Variants in MTHFS observed in about 807,000 individuals in gnomAD.
MTHFS encodes the protein methenyltetrahydrofolate synthetase.
Under a neutral mutation model 12.7 loss-of-function variants are expected in MTHFS, and 7 were observed. The observed-to-expected ratio is 0.55, with a 90% CI of 0.31 to 1.03. The LOEUF (loss-of-function observed/expected upper bound fraction) is 1.03. MTHFS is among the 50% of genes least tolerant of loss of function. The pLI, the probability that MTHFS is intolerant of heterozygous loss-of-function variation, is 0.05. For missense variants in MTHFS, 252 were observed against 258.1 expected (o/e 0.98, Z 0.16); for synonymous variants, 100 against 97.1 (o/e 1.03, Z -0.18).
chr15:79,892,269 C>T (rs554964806), intron 1 of MTHFS, among the ~76,000 whole-genome samples: 46 of 151,992 alleles, frequency 3.0e-4, no homozygotes, highest in Non-Finnish European at 5.4e-4. Context: ...AAGGAGGAAC[C>T]CCAGGGCAAT....
intron 1 of MTHFS, 82 bp from the exon 2 acceptor site, chr15:79,889,436 C>A (rs2034435488): frequency 4.1e-6 from 6 of 1,477,068 alleles, no homozygotes; most frequent in Non-Finnish European, 4.5e-6. Context: ...TCTCTCTCAG[C>A]CTTCTCCAAT....
chr15:79,874,306 A>G (rs1424798684), intron 2 of MTHFS, among the ~76,000 whole-genome samples: 2 of 152,132 alleles, frequency 1.3e-5, no homozygotes, highest in Non-Finnish European at 2.9e-5. Flanking sequence ...TGCCTTTTCA[A>G]CTTGCCCCAT....
At position 79,889,362 on chromosome 15, in the gene MTHFS, G is replaced by A; in HGVS notation, c.118-8C>T. On this transcript the variant is annotated splice_region_variant and splice_polypyrimidine_tract_variant and intron_variant, in intron 1 of 2. Transcript: ENST00000258874. ...CTCACTGTGGGCAATCACCTAAATG[G>A]GAAATTATGGCAATTATATTTTCCA... is the stretch of plus-strand genomic sequence containing the variant. 3 of 1,604,618 alleles carry A rather than the reference G, an allele frequency of 1.9e-6. No individual in the cohort carries two copies. The highest frequency in any genetic ancestry group is 2.6e-6 in the Non-Finnish European group (3 of 1,173,992).
At chr15:79,864,544 C>CAAAAAAAA (rs1566990932) in intron 2 of MTHFS, among the ~76,000 whole-genome samples, 2 of 23,694 alleles carry the variant, frequency 8.4e-5, no homozygotes, top group Admixed American at 6.1e-4. Flanking sequence ...GACTCCATCT[C>CAAAAAAAA]AACAAAAAAA....
intron 2 of MTHFS, among the ~76,000 whole-genome samples, chr15:79,866,223 T>C (rs769097406): frequency 6.6e-6 from 1 of 152,204 alleles, no homozygotes; most frequent in Admixed American, 6.5e-5. Context: ...GACCTGATCA[T>C]GGGTCCAGAA....
At chr15:79,889,068 A>C in intron 2 of MTHFS, 25 bp downstream of exon 2, 1 of 1,610,478 alleles carries the variant, frequency 6.2e-7, no homozygotes, top group Non-Finnish European at 8.5e-7. Context: ...ATAATCTAAC[A>C]ACATCCTAAC....
At chr15:79,865,772 T>C (rs1027032120) in intron 2 of MTHFS, among the ~76,000 whole-genome samples, 6 of 152,182 alleles carry the variant, frequency 3.9e-5, no homozygotes, top group Non-Finnish European at 7.3e-5. Context: ...AAACCAACCA[T>C]GGAGAAAATA....
At chr15:79,881,394 T>G (rs921706433) in intron 2 of MTHFS, among the ~76,000 whole-genome samples, 1 of 152,126 alleles carries the variant, frequency 6.6e-6, no homozygotes, top group Non-Finnish European at 1.5e-5. Context: ...TAACAAGAAG[T>G]AAATTACCAT....
intron 2 of MTHFS, chr15:79,877,582 T>G (rs2034221351): frequency 6.6e-6 from 1 of 151,952 alleles, no homozygotes; most frequent in South Asian, 2.1e-4. Flanking sequence ...ACACCTGTAG[T>G]CCTAGCTACT....
At chr15:79,880,389 T>C (rs2034276362) in intron 2 of MTHFS, among the ~76,000 whole-genome samples, 1 of 152,006 alleles carries the variant, frequency 6.6e-6, no homozygotes. Context: ...CTCTGCTTGT[T>C]TATTTATGGA....
chr15:79,860,992 C>A (rs1005182503), intron 2 of MTHFS, among the ~76,000 whole-genome samples: 2 of 152,192 alleles, frequency 1.3e-5, no homozygotes, highest in Non-Finnish European at 1.5e-5. Context: ...CCAGAGCACT[C>A]TGGGCACATC....
intron 1 of MTHFS, among the ~76,000 whole-genome samples, chr15:79,891,534 T>C (rs2034472015): frequency 6.6e-6 from 1 of 151,750 alleles, no homozygotes; most frequent in Non-Finnish European, 1.5e-5. Flanking sequence ...TTAGCAAAAT[T>C]AAAACAACTT....
chr15:79,858,651 T>G (rs1056151184), intron 2 of MTHFS, among the ~76,000 whole-genome samples: 21 of 152,188 alleles, frequency 1.4e-4, no homozygotes, highest in Non-Finnish European at 2.5e-4. Context: ...CTCTGTGGAC[T>G]AACAATAAAT....
At position 79,896,966 on chromosome 15, in the gene MTHFS, C is replaced by T. The variant is rs937096410; in HGVS notation, c.23G>A (p.Ser8Asn). The change falls in exon 1 of 3, where the codon AGC becomes AAC. Residue 8 changes from serine to asparagine, a missense_variant. Physicochemically the swap from Ser to Asn is conservative, Grantham distance 46. Coordinates refer to ENST00000258874, the MANE Select transcript of MTHFS (RefSeq NM_006441.4). MAAAAVS[S>N]AKRSLRGELK... is the part of the protein sequence containing the mutation. ...CTCTCCCCGCAGGCTCCGCTTGGCG[C>T]TGCTCACCGCTGCCGCCGCCATCTC... 5.9e-6 allele frequency: 9 copies of T among 1,532,566 alleles called. No homozygotes were observed. The Admixed American group carries it at 1.2e-4, about 20-fold the overall frequency. 94.9% of individuals were successfully genotyped at this position (1,532,566 alleles called of 1,614,324 possible). A position where few individuals can be genotyped will look rare whatever the true frequency, so the allele number is the denominator to read the frequency against.
At chr15:79,858,646 T>C (rs1490697773) in intron 2 of MTHFS, among the ~76,000 whole-genome samples, 1 of 152,198 alleles carries the variant, frequency 6.6e-6, no homozygotes, top group Admixed American at 6.5e-5. Flanking sequence ...TCTGTCTCTG[T>C]GGACTAACAA....
At chr15:79,869,271 G>T (rs951236823) in intron 2 of MTHFS, among the ~76,000 whole-genome samples, 1 of 152,104 alleles carries the variant, frequency 6.6e-6, no homozygotes, top group African/African-American at 2.4e-5. Context: ...AATAAAGATG[G>T]GGAGAAGGAC....
At chr15:79,896,791 C>T in intron 1 of MTHFS, 81 bp downstream of exon 1, 1 of 1,531,344 alleles carries the variant, frequency 6.5e-7, no homozygotes, top group Non-Finnish European at 8.7e-7. Context: ...CAGCACGGAC[C>T]ATGCACAGAT....
intron 1 of MTHFS, among the ~76,000 whole-genome samples, chr15:79,893,138 C>T (rs1483104634): frequency 6.6e-6 from 1 of 152,172 alleles, no homozygotes; most frequent in Non-Finnish European, 1.5e-5. Flanking sequence ...GGCGTGGTGG[C>T]TCATGCCTGT....
At chr15:79,863,657 G>C (rs913889249) in intron 2 of MTHFS, among the ~76,000 whole-genome samples, 2 of 152,290 alleles carry the variant, frequency 1.3e-5, no homozygotes, top group Middle Eastern at 3.4e-3. Context: ...TCTGACAAAT[G>C]GGACTTTCAA....
Sources: gnomAD v4.1 joint callset for allele counts (sites outside exome capture counted in the v4.1 genomes callset) on GRCh38, gnomAD v4.1.1 for gene constraint, MANE v1.5 for transcripts, NCBI Gene and HGNC (gene_info 2026-07-23, HGNC 2026-07-21) for gene names.